WDR47: variants seen among roughly 807,000 people sequenced by gnomAD.
WDR47 encodes WD repeat domain 47.
Under a neutral mutation model 97.2 loss-of-function variants are expected in WDR47, and 32 were observed. The observed-to-expected ratio is 0.33, with a 90% CI of 0.25 to 0.44. The LOEUF (loss-of-function observed/expected upper bound fraction) is 0.44. Ranked by LOEUF, WDR47 falls within the 20% of genes least tolerant of loss-of-function variation. The probability of loss-of-function intolerance (pLI) is 1.00; values close to 1 mark genes in which losing one functional copy is unlikely to be tolerated. For missense variants in WDR47, 782 were observed against 1,102.3 expected, an observed-to-expected ratio of 0.71 and a Z score of 4.11; for synonymous variants, 375 against 373.5, an observed-to-expected ratio of 1.00 and a Z score of -0.05.
At chr1:109,028,483 T>C (rs1662384841) in intron 1 of WDR47, among the ~76,000 whole-genome samples, 1 of 148,392 alleles carries the variant, frequency 6.7e-6, no homozygotes, top group Non-Finnish European at 1.5e-5. Context: ...AGTGCTGGGA[T>C]TACAGGCATG....
chr1:109,005,386 C>A (rs1660520112), intron 5 of WDR47, among the ~76,000 whole-genome samples: 2 of 152,074 alleles, frequency 1.3e-5, no homozygotes, highest in African/African-American at 4.8e-5. Flanking sequence ...GCACTCCAGC[C>A]TGGGTGACAA....
Position 108,971,001 on chromosome 1 carries a change from C to T in WDR47, c.*429G>A, listed in dbSNP as rs1657411040. The T allele has an allele frequency of 6.4e-6, 1 of 155,064 alleles. No individual in the cohort carries two copies. The highest frequency in any genetic ancestry group is 6.4e-5 in the Admixed American group (1 of 15,656). The allele number at this position is 155,064 out of a possible 1,614,324, so 9.6% of individuals were successfully genotyped here. A position where few individuals can be genotyped will look rare whatever the true frequency, so the allele number is the denominator to read the frequency against. Reference sequence around the variant, plus strand: ...GAAGAGCAAAAGTAATTCTGAACACCTGGGAAGTTTAATCTGGGAGGAACT... The same window carrying T: ...GAAGAGCAAAAGTAATTCTGAACACTTGGGAAGTTTAATCTGGGAGGAACT... On this transcript the variant is annotated 3_prime_UTR_variant, in exon 15 of 15. Transcript: ENST00000369962.
chr1:108,989,001 G>T (rs927736066), intron 9 of WDR47, among the ~76,000 whole-genome samples: 1 of 152,028 alleles, frequency 6.6e-6, no homozygotes, highest in South Asian at 2.1e-4. Context: ...CAAGTGATCT[G>T]CCACCTCAGC....
Position 108,996,891 on chromosome 1 carries a change from G to C in WDR47, c.1434-1054C>G, listed in dbSNP as rs1201314309. 4.8e-4 allele frequency among the ~76,000 whole-genome samples: 73 copies of C among 152,038 alleles called. 1 individual carries two copies. The highest frequency in any genetic ancestry group is 4.8e-3 in the Admixed American group (73 of 15,258). On this transcript the variant is annotated intron_variant, in intron 7 of 14. Coordinates refer to ENST00000369962, the MANE Select transcript of WDR47 (RefSeq NM_001142551.2). ...CCAGCACTTTGGGAGGCTGAGGTGGGCGGATCACTTGAGGTCAGGTTCGAG... is the reference window on the plus strand; with the variant it reads ...CCAGCACTTTGGGAGGCTGAGGTGGCCGGATCACTTGAGGTCAGGTTCGAG...
At chr1:109,037,487 T>G (rs35978562) in intron 1 of WDR47, among the ~76,000 whole-genome samples, 16,321 of 151,190 alleles carry the variant, frequency 0.11, 1,015 homozygotes, top group African/African-American at 0.16. Flanking sequence ...TTAGCCGGGC[T>G]TGGTGGCGGG....
chr1:109,011,575 G>C lies in WDR47; in HGVS notation c.471C>G (p.Pro157=), dbSNP rs762518579. The change falls in exon 5 of 15, where the codon CCC becomes CCG. Residue 157 remains proline (P), a synonymous_variant. Coordinates refer to ENST00000369962, the MANE Select transcript of WDR47 (RefSeq NM_001142551.2). The part of the protein sequence containing the change: ...TNHAEFKDWN[P]STARVHCFEE... ...CAAAACAGTGAACTCGTGCGGTGCT[G>C]GGATTCCAGTCCTTAAACTCGGCAT... 1 of 1,614,186 alleles carries C rather than the reference G, an allele frequency of 6.2e-7. No individual in the cohort carries two copies. Among genetic ancestry groups the C allele is most frequent in the Non-Finnish European group, 8.5e-7 (1 of 1,180,048 alleles).
At chr1:109,011,814 C>T (rs1460053824) in intron 4 of WDR47, 96 bp from the exon 5 acceptor site, 1 of 1,123,670 alleles carries the variant, frequency 8.9e-7, no homozygotes, top group Non-Finnish European at 1.2e-6. Flanking sequence ...TATATTGCCA[C>T]AGAATACTCA....
At chr1:108,975,716 A>G (rs1186384570) in intron 13 of WDR47, among the ~76,000 whole-genome samples, 2 of 152,100 alleles carry the variant, frequency 1.3e-5, no homozygotes, top group Non-Finnish European at 2.9e-5. Context: ...GCTCTAGACC[A>G]AAGTGGTCTA....
At chr1:109,018,108 G>C (rs948147748) in intron 2 of WDR47, among the ~76,000 whole-genome samples, 4 of 152,080 alleles carry the variant, frequency 2.6e-5, no homozygotes, top group African/African-American at 2.4e-5. Context: ...TTGTGAATCT[G>C]CAACCACTCA....
At chr1:109,002,852 G>C (rs1358038006) in intron 6 of WDR47, among the ~76,000 whole-genome samples, 1 of 152,122 alleles carries the variant, frequency 6.6e-6, no homozygotes, top group Non-Finnish European at 1.5e-5. Context: ...GGAATGGATG[G>C]GGTAAAAAGG....
chr1:109,040,943 T>C (rs1663311566), intron 1 of WDR47, among the ~76,000 whole-genome samples: 1 of 151,700 alleles, frequency 6.6e-6, no homozygotes, highest in South Asian at 2.1e-4. Flanking sequence ...AGTATTAGGA[T>C]CACAACCTAC....
Position 108,982,886 on chromosome 1 carries a change from T to C in WDR47, c.2096-107A>G, listed in dbSNP as rs1402601981. The C allele has an allele frequency of 1.1e-5, 13 of 1,234,720 alleles. 1 individual carries two copies. Among genetic ancestry groups the C allele is most frequent in the Non-Finnish European group, 1.4e-5 (13 of 907,308 alleles). 76.5% of individuals were successfully genotyped at this position (1,234,720 alleles called of 1,614,324 possible). Reference sequence around the variant, plus strand: ...CTGGTCAAGAATAATGGTTTAGAAATATGGTTTGTATTTTCATTTAGGGAT... The same window carrying C: ...CTGGTCAAGAATAATGGTTTAGAAACATGGTTTGTATTTTCATTTAGGGAT... On this transcript the variant is annotated intron_variant, in intron 11 of 14. Transcript: ENST00000369962.
At chr1:109,018,830 A>C (rs1003342846) in intron 2 of WDR47, among the ~76,000 whole-genome samples, 1 of 151,882 alleles carries the variant, frequency 6.6e-6, no homozygotes, top group African/African-American at 2.4e-5. Context: ...ACACACACAA[A>C]AAAGAAAGAA....
At chr1:109,032,897 A>G (rs1488968414) in intron 1 of WDR47, among the ~76,000 whole-genome samples, 2 of 150,956 alleles carry the variant, frequency 1.3e-5, no homozygotes, top group South Asian at 2.1e-4. Flanking sequence ...ACTCTGTCCA[A>G]AAAAAAAAAT....
chr1:109,014,674 A>G (rs1661290923), intron 3 of WDR47, among the ~76,000 whole-genome samples: 1 of 152,138 alleles, frequency 6.6e-6, no homozygotes, highest in Non-Finnish European at 1.5e-5. Context: ...GCTTCAAGCA[A>G]TTCTCCTGCC....
At position 109,011,678 on chromosome 1, in the gene WDR47, G is replaced by A. The variant is rs757547650; in HGVS notation, c.368C>T (p.Ala123Val). The A allele has an allele frequency of 2.5e-6, 4 of 1,612,116 alleles. No homozygotes were observed. The highest frequency in any genetic ancestry group is 2.5e-6 in the Non-Finnish European group (3 of 1,178,826). ...TTTAGAAGGACAGTATTCTTCTAGA[G>A]CATGTAAACATTGCACAGCTTCTTG... ...TMQEAVQCLH[A>V]LEEYCPSKDD... is the part of the protein sequence containing the mutation. Residue 123 changes from alanine (A) to valine (V), a missense_variant, in exon 5 of 15, where the codon GCT (alanine) becomes GTT (valine). Physicochemically the swap from Ala to Val is moderately conservative, Grantham distance 64 (BLOSUM62 0). Coordinates refer to ENST00000369962, the MANE Select transcript of WDR47 (RefSeq NM_001142551.2).
At position 109,011,071 on chromosome 1, in the gene WDR47, G is replaced by T; in HGVS notation, c.975C>A (p.Thr325=). Residue 325 remains threonine, a synonymous_variant, in exon 5 of 15, where the codon ACC becomes ACA. Transcript: ENST00000369962. ...GGTCTGAAATTCTCTTATCATGACT[G>T]GTTAGTCCACAGGTGAGGCCATCTA... is the stretch of plus-strand genomic sequence containing the variant. ...PALDGLTCGL[T]SHDKRISDLG... is the part of the protein sequence containing the mutation. 1 of 1,614,128 alleles carries T rather than the reference G, an allele frequency of 6.2e-7. No homozygotes were observed. Among genetic ancestry groups the T allele is most frequent in the South Asian group, 1.1e-5 (1 of 91,074 alleles).
intron 3 of WDR47, among the ~76,000 whole-genome samples, chr1:109,016,613 G>A (rs1661437805): frequency 1.3e-5 from 2 of 152,054 alleles, no homozygotes; most frequent in African/African-American, 2.4e-5. Context: ...AGAGATTTCG[G>A]GACAAATCTC....
At chr1:108,988,760 T>A (rs966808364) in intron 9 of WDR47, among the ~76,000 whole-genome samples, 3 of 152,096 alleles carry the variant, frequency 2.0e-5, no homozygotes, top group African/African-American at 7.2e-5. Context: ...ATGTTTCATT[T>A]CTACTTTTTT....
Sources: allele counts gnomAD v4.1 joint callset (sites outside exome capture counted in the v4.1 genomes callset), GRCh38; gene constraint gnomAD v4.1.1; transcripts MANE v1.5; gene names NCBI Gene and HGNC (gene_info 2026-07-23, HGNC 2026-07-21).